Variants in TMEM164 observed in about 807,000 individuals in gnomAD.
TMEM164 encodes transmembrane protein 164.
In TMEM164, 4 loss-of-function variants were observed where a neutral mutation model predicts 18.8. The ratio of observed to expected loss-of-function variants is 0.21; its 90% confidence interval spans 0.10 to 0.49. The LOEUF is 0.49. TMEM164 is among the 20% of genes least tolerant of loss of function. The pLI is 0.98. For missense variants in TMEM164, 108 were observed against 239.9 expected, an observed-to-expected ratio of 0.45 and a Z score of 3.63; for synonymous variants, 86 against 101.7, an observed-to-expected ratio of 0.85 and a Z score of 0.93.
chrX:110,146,457 C>G (rs2066856033), intron 5 of TMEM164, among the ~76,000 whole-genome samples: 1 of 112,074 alleles, frequency 8.9e-6, no homozygotes, highest in Non-Finnish European at 1.9e-5. Flanking sequence ...TAGAGCAGAT[C>G]CTCCCGATAG....
At position 110,128,636 on chromosome X, in the gene TMEM164, A is replaced by G. The variant is rs138262357; in HGVS notation, c.508-16162A>G. Reference sequence around the variant, plus strand: ...TCAAACTCTGCCTCTGTTCCATTCTATTCTTCTGGGACCACATTTTAGAGA... The same window carrying G: ...TCAAACTCTGCCTCTGTTCCATTCTGTTCTTCTGGGACCACATTTTAGAGA... On this transcript the variant is annotated intron_variant, in intron 4 of 6. Transcript: ENST00000372068. 4.3e-4 allele frequency among the ~76,000 whole-genome samples: 48 copies of G among 111,331 alleles called. 2 individuals carry two copies. In the East Asian group the frequency reaches 0.012, roughly 28 times the overall value.
chrX:110,050,142 C>T, intron 2 of TMEM164, among the ~76,000 whole-genome samples: 1 of 111,909 alleles, frequency 8.9e-6, no homozygotes, highest in East Asian at 2.8e-4. Flanking sequence ...TGAATAAACT[C>T]CCCTTTGTCT....
At chrX:110,020,717 C>A in intron 2 of TMEM164, 1 of 746,793 alleles carries the variant, frequency 1.3e-6, no homozygotes, top group Non-Finnish European at 1.6e-6. Flanking sequence ...ACCCCACCCA[C>A]TTTAAAATAT....
Position 110,065,829 on chromosome X carries a change from G to A in TMEM164, c.391-1518G>A, listed in dbSNP as rs935739305. 3.6e-5 allele frequency among the ~76,000 whole-genome samples: 4 copies of A among 111,922 alleles called. No homozygotes were observed. In the South Asian group the frequency reaches 1.5e-3, roughly 42 times the overall value. On this transcript the variant is annotated intron_variant, in intron 2 of 6. Transcript: ENST00000372068. ...TATGGGAAACATATGAATATTCACC[G>A]TAAGTGGAAGAAATAAAGTCTATAA... is the stretch of plus-strand genomic sequence containing the variant.
intron 2 of TMEM164, among the ~76,000 whole-genome samples, chrX:110,057,227 A>G (rs1305332968): frequency 8.9e-6 from 1 of 111,768 alleles, no homozygotes; most frequent in African/African-American, 3.3e-5. Flanking sequence ...CTCAGCTTCT[A>G]TGAGTTAGAC....
intron 2 of TMEM164, chrX:110,020,624 T>C: frequency 1.3e-6 from 1 of 754,255 alleles, no homozygotes. Flanking sequence ...CTCTATGTCA[T>C]GAAATGTAGA....
intron 4 of TMEM164, among the ~76,000 whole-genome samples, chrX:110,134,443 C>T (rs1411485535): frequency 9.2e-6 from 1 of 108,839 alleles, no homozygotes; most frequent in Non-Finnish European, 1.9e-5. Flanking sequence ...GCCTGTAGTC[C>T]CAGCTACTCG....
At chrX:110,097,876 A>G (rs1254158824) in intron 3 of TMEM164, among the ~76,000 whole-genome samples, 1 of 112,375 alleles carries the variant, frequency 8.9e-6, no homozygotes, top group African/African-American at 3.2e-5. Context: ...AGACTGGGAG[A>G]GTTCAGTGTT....
chrX:110,068,617 G>T (rs2065535636), intron 3 of TMEM164, among the ~76,000 whole-genome samples: 1 of 111,773 alleles, frequency 8.9e-6, no homozygotes, highest in South Asian at 3.7e-4. Flanking sequence ...GTATATTGAG[G>T]TGTTTACTGT....
chrX:110,091,978 T>A (rs2065936943), intron 3 of TMEM164, among the ~76,000 whole-genome samples: 1 of 111,994 alleles, frequency 8.9e-6, no homozygotes, highest in African/African-American at 3.3e-5. Context: ...CCTTTCCCCA[T>A]TTCTTGTTTT....
chrX:110,049,248 C>T, intron 2 of TMEM164, among the ~76,000 whole-genome samples: 1 of 111,026 alleles, frequency 9.0e-6, no homozygotes, highest in Non-Finnish European at 1.9e-5. Flanking sequence ...GGGGTTTCTG[C>T]TGCTCAGAAT....
At chrX:110,038,043 T>A (rs1934906997) in intron 2 of TMEM164, among the ~76,000 whole-genome samples, 1 of 96,076 alleles carries the variant, frequency 1.0e-5, no homozygotes, top group Non-Finnish European at 2.0e-5. Flanking sequence ...CAGGCTGGAG[T>A]GCAGTGGCAG....
downstream of TMEM164, among the ~76,000 whole-genome samples, chrX:110,180,492 CG>C (rs111263122): frequency 0.06 from 6,259 of 104,326 alleles, 530 homozygotes; most frequent in African/African-American, 0.25. Context: ...TGAACCCCCC[CG>C]CCCCGCCCAC....
intron 4 of TMEM164, among the ~76,000 whole-genome samples, chrX:110,111,247 C>A (rs1461870255): frequency 8.9e-6 from 1 of 112,175 alleles, no homozygotes; most frequent in African/African-American, 3.2e-5. Flanking sequence ...TGGGGTAATT[C>A]CAAAGAATGG....
intron 2 of TMEM164, among the ~76,000 whole-genome samples, chrX:110,042,248 G>A (rs1482269837): frequency 9.2e-6 from 1 of 108,965 alleles, no homozygotes. Flanking sequence ...CTCTATAAAT[G>A]TGCCTATTCT....
chrX:110,101,646 C>T (rs2066112879), intron 3 of TMEM164, among the ~76,000 whole-genome samples: 1 of 106,012 alleles, frequency 9.4e-6, no homozygotes, highest in South Asian at 4.3e-4. Context: ...GTGGCATGCT[C>T]ATGGCTCACT....
intron 2 of TMEM164, among the ~76,000 whole-genome samples, chrX:110,030,926 T>C (rs1934472898): frequency 8.9e-6 from 1 of 111,999 alleles, no homozygotes; most frequent in Non-Finnish European, 1.9e-5. Flanking sequence ...TTTATTATAC[T>C]TTCAGTTCTG....
intron 5 of TMEM164, among the ~76,000 whole-genome samples, chrX:110,145,484 T>A (rs1279181151): frequency 9.0e-6 from 1 of 111,680 alleles, no homozygotes; most frequent in Non-Finnish European, 1.9e-5. Context: ...AGATTATCCC[T>A]TCCCTCTATT....
At position 110,176,453 on chromosome X, in the gene TMEM164, T is replaced by TTC; in HGVS notation, c.*3013_*3014dup. On this transcript the variant is annotated 3_prime_UTR_variant, in exon 7 of 7. Transcript: ENST00000372068. ...CAGTCTCCCCAAGTCAGCAATCTCT[T>TTC]TCTCTCTCTCTCCTCAAACTTCATC... The TTC allele has an allele frequency of 1.3e-5, 10 of 749,528 alleles. No homozygotes were observed. The highest frequency in any genetic ancestry group is 1.3e-5 in the Non-Finnish European group (8 of 633,530). 61.8% of individuals were successfully genotyped at this position (749,528 alleles called of 1,213,427 possible).
Sources: allele counts gnomAD v4.1 joint callset (sites outside exome capture counted in the v4.1 genomes callset), GRCh38; gene constraint gnomAD v4.1.1; transcripts MANE v1.5; gene names NCBI Gene and HGNC (gene_info 2026-07-23, HGNC 2026-07-21).